The following BABAM2 variants were observed in gnomAD, a reference collection of about 807,000 sequenced individuals.
BABAM2 encodes the protein BRISC and BRCA1-A complex member 2.
A neutral mutation model predicts 54.7 loss-of-function variants in BABAM2; 31 were observed. The ratio of observed to expected loss-of-function variants is 0.57; its 90% CI spans 0.43 to 0.77. BABAM2 has a LOEUF of 0.77. Among genes scored for constraint, BABAM2 ranks in the 30% least tolerant of loss-of-function variants. The probability of loss-of-function intolerance (pLI) is 0.00; values close to 1 mark genes in which losing one functional copy is unlikely to be tolerated. For synonymous variants in BABAM2, 167 were observed against 162.9 expected, an observed-to-expected ratio of 1.03 and a Z score of -0.19; for missense variants, 364 against 455.8, an observed-to-expected ratio of 0.80 and a Z score of 1.83.
intron 7 of BABAM2, among the ~76,000 whole-genome samples, chr2:28,130,277 T>C (rs75321464): frequency 0.012 from 1,873 of 152,326 alleles, 37 homozygotes; most frequent in African/African-American, 0.043. Flanking sequence ...CTTCCGACCT[T>C]AGTTGCTCTA....
intron 6 of BABAM2, among the ~76,000 whole-genome samples, chr2:28,061,950 C>T (rs1444163197): frequency 6.6e-6 from 1 of 151,974 alleles, no homozygotes; most frequent in Non-Finnish European, 1.5e-5. Flanking sequence ...AGATTCAAAA[C>T]AGCATATAAA....
At chr2:27,894,962 T>C (rs563999194) in intron 2 of BABAM2, 111 of 358,674 alleles carry the variant, frequency 3.1e-4, no homozygotes, top group Middle Eastern at 3.1e-3. Context: ...GTTTTAAAAG[T>C]GTGTTTTTCA....
rs1005529042 is a variant in BABAM2 at position 28,076,458 on chromosome 2, A to ATATTTATTTATT, written c.570+30674_570+30685dup. 2.2e-3 allele frequency among the ~76,000 whole-genome samples: 304 copies of ATATTTATTTATT among 140,202 alleles called. 2 individuals are homozygous for ATATTTATTTATT. Among genetic ancestry groups the ATATTTATTTATT allele is most frequent in the African/African-American group, 7.2e-3 (276 of 38,244 alleles). 92.0% of individuals were successfully genotyped at this position (140,202 alleles called of 152,430 possible). ...GATAACCATTGAAAATTTTTATTTT[A>ATATTTATTTATT]TATTTATTTATTTATTTATTTATTT... On this transcript the variant is annotated intron_variant, in intron 6 of 11. Transcript: ENST00000379624.
chr2:27,958,375 A>C (rs886520838), intron 3 of BABAM2, among the ~76,000 whole-genome samples: 2 of 151,872 alleles, frequency 1.3e-5, no homozygotes, highest in South Asian at 4.1e-4. Context: ...AAATGGGTGA[A>C]TATTGAGGAG....
chr2:28,111,729 A>G (rs377090384), intron 6 of BABAM2, among the ~76,000 whole-genome samples: 8 of 152,128 alleles, frequency 5.3e-5, no homozygotes, highest in Non-Finnish European at 1.2e-4. Flanking sequence ...TGCTTCTTAA[A>G]CTTCAGTGCA....
Position 28,310,211 on chromosome 2 carries a change from C to A in BABAM2, c.1088+11720C>A. On this transcript the variant is annotated intron_variant, in intron 11 of 11. Coordinates refer to ENST00000379624, the MANE Select transcript of BABAM2 (RefSeq NM_199191.3). ...ACATCTGTTGCAGTGAAATGATAAGCTCCATTGAAAAGCCTGGCCATCAAT... is the reference window on the plus strand; with the variant it reads ...ACATCTGTTGCAGTGAAATGATAAGATCCATTGAAAAGCCTGGCCATCAAT... 2.6e-6 allele frequency: 4 copies of A among 1,558,226 alleles called. 1 individual carries two copies. The highest frequency in any genetic ancestry group is 3.5e-6 in the Non-Finnish European group (4 of 1,133,674).
intron 11 of BABAM2, among the ~76,000 whole-genome samples, chr2:28,314,628 C>G (rs1231813893): frequency 6.6e-6 from 1 of 152,186 alleles, no homozygotes; most frequent in Non-Finnish European, 1.5e-5. Flanking sequence ...TGAATTCAAA[C>G]TAGGTGTTAG....
At position 28,025,384 on chromosome 2, in the gene BABAM2, G is replaced by T; in HGVS notation, c.459G>T (p.Glu153Asp). ...QTLLEEPQYG[E>D]NMEIYAGKKN... ...TACTGGAGGAGCCACAGTATGGAGA[G>T]AACATGGAAATTTATGCTGGGAAAA... Residue 153 changes from glutamate (E) to aspartate (D), a missense_variant, in exon 5 of 12, where the codon GAG (glutamate) becomes GAT (aspartate). Physicochemically the swap from Glu to Asp is conservative, Grantham distance 45. Coordinates refer to ENST00000379624, the MANE Select transcript of BABAM2 (RefSeq NM_199191.3). 3 of 1,571,906 alleles carry T rather than the reference G, an allele frequency of 1.9e-6. No individual in the cohort carries two copies. Among genetic ancestry groups the T allele is most frequent in the Non-Finnish European group, 8.6e-7 (1 of 1,166,428 alleles).
At chr2:28,202,349 C>A (rs190472133) in intron 7 of BABAM2, among the ~76,000 whole-genome samples, 9 of 152,116 alleles carry the variant, frequency 5.9e-5, no homozygotes, top group East Asian at 1.9e-4. Flanking sequence ...CCCATTGAGT[C>A]CCCCCTTCCC....
chr2:28,154,075 C>T (rs1288666871), intron 7 of BABAM2, among the ~76,000 whole-genome samples: 2 of 152,160 alleles, frequency 1.3e-5, no homozygotes, highest in African/African-American at 4.8e-5. Context: ...GGACAATAGA[C>T]TGACATGTGA....
In BABAM2 at chr2:28,196,154, C is replaced by T. The variant is rs541500290; in HGVS notation, c.681-41048C>T. ...CATCCTGGCTAACGTGGTGAAACCC[C>T]GTCTCTACTAAAAATACAAAAAATT... On this transcript the variant is annotated intron_variant, in intron 7 of 11. Coordinates refer to ENST00000379624, the MANE Select transcript of BABAM2 (RefSeq NM_199191.3). 9.2e-5 allele frequency among the ~76,000 whole-genome samples: 14 copies of T among 152,010 alleles called. No homozygotes were observed. In the East Asian group the frequency reaches 2.3e-3, roughly 25 times the overall value.
chr2:28,138,412 A>G (rs1670732065), intron 7 of BABAM2, among the ~76,000 whole-genome samples: 1 of 152,208 alleles, frequency 6.6e-6, no homozygotes, highest in Non-Finnish European at 1.5e-5. Context: ...CCTCTTTGAA[A>G]ATCTAATGAG....
chr2:27,982,373 T>G (rs1240235504), intron 3 of BABAM2, among the ~76,000 whole-genome samples: 1 of 152,118 alleles, frequency 6.6e-6, no homozygotes, highest in Non-Finnish European at 1.5e-5. Context: ...TCTATTTTTG[T>G]TGTTGTTGCT....
chr2:28,063,089 G>A (rs1021368554), intron 6 of BABAM2, among the ~76,000 whole-genome samples: 1 of 152,190 alleles, frequency 6.6e-6, no homozygotes, highest in African/African-American at 2.4e-5. Flanking sequence ...GCCTGGCAGG[G>A]GTTAGTTTAA....
chr2:28,303,360 A>G (rs747935920), intron 11 of BABAM2, among the ~76,000 whole-genome samples: 2 of 152,200 alleles, frequency 1.3e-5, no homozygotes, highest in Admixed American at 1.3e-4. Flanking sequence ...TAATTTTTGT[A>G]TATGATATGA....
At chr2:28,229,589 C>T (rs192200151) in intron 7 of BABAM2, among the ~76,000 whole-genome samples, 2 of 133,222 alleles carry the variant, frequency 1.5e-5, no homozygotes, top group Non-Finnish European at 1.7e-5. Flanking sequence ...TTCTTTTTTT[C>T]TTTTTTTTTT....
In BABAM2 at chr2:27,929,516, C is replaced by T. The variant is rs185242993; in HGVS notation, c.129-316C>T. Among the ~76,000 whole-genome samples, 4 of 152,252 alleles carry T rather than the reference C, an allele frequency of 2.6e-5. 1 individual carries two copies. The South Asian group carries it at 6.2e-4, about 24-fold the overall frequency. ...TTACAGTTCTTGGCATAAGAATAGA[C>T]ATGTGTTTTGGATAATATACCTAAT... On this transcript the variant is annotated intron_variant, in intron 2 of 11. Coordinates refer to ENST00000379624, the MANE Select transcript of BABAM2 (RefSeq NM_199191.3).
intron 11 of BABAM2, among the ~76,000 whole-genome samples, chr2:28,299,046 T>C (rs2148244103): frequency 6.6e-6 from 1 of 152,350 alleles, no homozygotes; most frequent in East Asian, 1.9e-4. Flanking sequence ...CTGGAGCCGG[T>C]AGCTACTCTT....
At chr2:28,312,459 T>G (rs1444734483) in intron 11 of BABAM2, among the ~76,000 whole-genome samples, 1 of 152,172 alleles carries the variant, frequency 6.6e-6, no homozygotes, top group Non-Finnish European at 1.5e-5. Context: ...TACTGATTGA[T>G]TTCTGGAATG....
Sources: gnomAD v4.1 joint callset for allele counts (sites outside exome capture counted in the v4.1 genomes callset) on GRCh38, gnomAD v4.1.1 for gene constraint, MANE v1.5 for transcripts, NCBI Gene and HGNC (gene_info 2026-07-23, HGNC 2026-07-21) for gene names.